The following CDADC1 variants were observed in gnomAD, a reference collection of about 807,000 sequenced individuals.
The protein encoded by CDADC1 is dCTP deaminase.
In CDADC1, 39 loss-of-function variants were observed where a neutral mutation model predicts 54.9. That is an observed-to-expected ratio of 0.71 (90% CI 0.55 to 0.93). The LOEUF is 0.93. Among genes scored for constraint, CDADC1 ranks in the 40% least tolerant of loss-of-function variants. The pLI, the probability that CDADC1 is intolerant of heterozygous loss-of-function variation, is 0.00. For synonymous variants in CDADC1, 186 were observed against 204.0 expected (o/e 0.91, Z 0.75); for missense variants, 518 against 618.8 (o/e 0.84, Z 1.73).
chr13:49,289,449 C>T (rs1054937714), intron 9 of CDADC1, among the ~76,000 whole-genome samples: 5 of 151,940 alleles, frequency 3.3e-5, no homozygotes, highest in African/African-American at 1.2e-4. Flanking sequence ...TTTTTATAAG[C>T]GTATGCCCTA....
chr13:49,275,710 TATATATATATATATATAGAG>T (rs1953091996), intron 6 of CDADC1, among the ~76,000 whole-genome samples: 1 of 97,296 alleles, frequency 1.0e-5, no homozygotes, highest in Admixed American at 1.3e-4. Flanking sequence ...TATATATATA[TATATATATATATATATAGAG>T]AGAGAGAGAG....
At chr13:49,259,324 G>A in intron 3 of CDADC1, 22 bp from the exon 4 acceptor site, 1 of 1,533,440 alleles carries the variant, frequency 6.5e-7, no homozygotes, top group South Asian at 1.2e-5. Context: ...CTAATAAGTT[G>A]TTATTTTATA....
intron 4 of CDADC1, among the ~76,000 whole-genome samples, chr13:49,266,435 A>T (rs966472976): frequency 6.6e-6 from 1 of 152,174 alleles, no homozygotes; most frequent in South Asian, 2.1e-4. Context: ...ATGAATTGAA[A>T]TATTTTCTGT....
chr13:49,252,677 C>T (rs182146525), intron 2 of CDADC1, among the ~76,000 whole-genome samples: 5 of 152,304 alleles, frequency 3.3e-5, no homozygotes, highest in Non-Finnish European at 7.3e-5. Context: ...TTTATAGCTG[C>T]AACATTTTTA....
In CDADC1 at chr13:49,275,348, A is replaced by G. The variant is rs181872968; in HGVS notation, c.1050+1008A>G. On this transcript the variant is annotated intron_variant, in intron 6 of 9. Transcript: ENST00000251108. ...CAGTCCACCCTCTTCTGCCTCCCAA[A>G]GTGCTGGGATCACAGGTGTGAGCCA... Among the ~76,000 whole-genome samples the G allele has an allele frequency of 5.7e-3, 862 of 151,972 alleles. 5 individuals are homozygous for G. Among genetic ancestry groups the G allele is most frequent in the Non-Finnish European group, 0.01 (700 of 67,994 alleles).
Position 49,248,862 on chromosome 13 carries a change from C to CT in CDADC1, c.83-5dup. Reference sequence around the variant, plus strand: ...ACAAAGTTTAAAGTGTTTGTCGTCTCTTTTGTAGGTCAGATACCAAGGCTT... The same window carrying CT: ...ACAAAGTTTAAAGTGTTTGTCGTCTCTTTTTGTAGGTCAGATACCAAGGCTT... On this transcript the variant is annotated splice_polypyrimidine_tract_variant and intron_variant, in intron 1 of 9. Coordinates refer to ENST00000251108, the MANE Select transcript of CDADC1 (RefSeq NM_030911.4). 1 of 1,553,216 alleles carries CT rather than the reference C, an allele frequency of 6.4e-7. No individual in the cohort carries two copies. Among genetic ancestry groups the CT allele is most frequent in the Middle Eastern group, 1.7e-4 (1 of 5,942 alleles).
intron 2 of CDADC1, among the ~76,000 whole-genome samples, chr13:49,250,345 T>G (rs1952397129): frequency 6.6e-6 from 1 of 152,228 alleles, no homozygotes; most frequent in African/African-American, 2.4e-5. Flanking sequence ...ACATGGTCTT[T>G]ATTTTCTAAT....
At chr13:49,259,626 G>A (rs1952625403) in intron 4 of CDADC1, 103 bp downstream of exon 4, 2 of 1,134,948 alleles carry the variant, frequency 1.8e-6, no homozygotes, top group East Asian at 2.4e-5. Context: ...CAAGGCAGGA[G>A]GATCGCCTGA....
intron 6 of CDADC1, among the ~76,000 whole-genome samples, chr13:49,275,027 C>A (rs1371420551): frequency 6.6e-6 from 1 of 151,380 alleles, no homozygotes; most frequent in East Asian, 1.9e-4. Flanking sequence ...AAGATAATTT[C>A]TTCAGACAGA....
rs367655428 is a variant in CDADC1 at position 49,291,716 on chromosome 13, G to T, written c.1504G>T (p.Glu502Ter). Reference protein sequence around the residue: ...GVLRPVPQKEEQHQDKKLRLG... With the variant: ...GVLRPVPQKE ...GTTGAGACCTGTCCCACAGAAGGAA[G>T]AGCAGCACCAGGACAAGAAGCTGCG... The change falls in exon 10 of 10, where the codon GAG (glutamate) becomes TAG (stop). Residue 502 changes from glutamate (E) to a stop codon, truncating the protein, a stop_gained. Transcript: ENST00000251108. LOFTEE classifies it high-confidence loss of function. 6.2e-7 allele frequency: 1 copy of T among 1,614,006 alleles called. No individual in the cohort carries two copies. The highest frequency in any genetic ancestry group is 8.5e-7 in the Non-Finnish European group (1 of 1,180,006).
chr13:49,249,088 T>C, intron 2 of CDADC1, 123 bp downstream of exon 2: 1 of 646,006 alleles, frequency 1.5e-6, no homozygotes, highest in Non-Finnish European at 2.8e-6. Context: ...AAAAATATCT[T>C]TATTGATTAA....
At chr13:49,255,106 C>A (rs533539131) in intron 2 of CDADC1, among the ~76,000 whole-genome samples, 8 of 152,308 alleles carry the variant, frequency 5.3e-5, no homozygotes, top group African/African-American at 1.7e-4. Flanking sequence ...AGACACTCTA[C>A]GGGAGGACCT....
At chr13:49,259,909 T>C (rs1291899569) in intron 4 of CDADC1, among the ~76,000 whole-genome samples, 1 of 151,796 alleles carries the variant, frequency 6.6e-6, no homozygotes, top group Non-Finnish European at 1.5e-5. Flanking sequence ...ACACATTTGC[T>C]AAATACCACA....
intron 2 of CDADC1, among the ~76,000 whole-genome samples, chr13:49,255,092 C>T (rs914529423): frequency 1.3e-5 from 2 of 152,198 alleles, no homozygotes; most frequent in Non-Finnish European, 2.9e-5. Context: ...GCCAAATTCC[C>T]TTCAGACACT....
At position 49,280,535 on chromosome 13, in the gene CDADC1, G is replaced by A; in HGVS notation, c.1247G>A (p.Arg416Lys). 2.1e-6 allele frequency: 3 copies of A among 1,450,920 alleles called. No individual in the cohort carries two copies. The highest frequency in any genetic ancestry group is 1.6e-5 in the South Asian group (1 of 62,278). 89.9% of individuals were successfully genotyped at this position (1,450,920 alleles called of 1,614,324 possible). Residue 416 changes from arginine to lysine, a missense_variant, in exon 8 of 10, where the codon AGA (arginine) becomes AAA (lysine). Physicochemically the swap from Arg to Lys is conservative, Grantham distance 26 (BLOSUM62 2). Transcript: ENST00000251108. ...FRCQEIKPEE[R>K]SMIFVTKCPC... ...TGTCAAGAAATAAAACCAGAAGAAA[G>A]AAGCATGATTTTTGTGACAAAGTGC...
At chr13:49,281,065 C>T (rs991280651) in intron 8 of CDADC1, among the ~76,000 whole-genome samples, 1 of 151,958 alleles carries the variant, frequency 6.6e-6, no homozygotes, top group Admixed American at 6.6e-5. Context: ...AACTCCTGAG[C>T]TCAGGTGATC....
chr13:49,248,099 C>G lies in CDADC1; in HGVS notation c.62C>G (p.Thr21Ser). The G allele has an allele frequency of 6.4e-7, 1 of 1,552,574 alleles. No individual in the cohort carries two copies. The highest frequency in any genetic ancestry group is 1.4e-5 in the African/African-American group (1 of 73,210). The change falls in exon 1 of 10, where the codon ACC becomes AGC. Residue 21 changes from threonine (T) to serine (S), a missense_variant. Thr to Ser is a moderately conservative substitution (Grantham distance 58). Transcript: ENST00000251108. Reference sequence around the variant, plus strand: ...GCGAGGGCCGGGCGGTCAGTCAGCACCCAGACTGGCAGCATGACCGGTGAG... The same window carrying G: ...GCGAGGGCCGGGCGGTCAGTCAGCAGCCAGACTGGCAGCATGACCGGTGAG... The part of the protein sequence containing the change: ...ESARAGRSVS[T>S]QTGSMTGQIP...
In CDADC1 at chr13:49,268,045, T is replaced by C. The variant is rs1252761694; in HGVS notation, c.986T>C (p.Leu329Ser). The C allele has an allele frequency of 6.2e-7, 1 of 1,610,364 alleles. No homozygotes were observed. ...CACTGCATGGTTCAGGCCAGGTTAT[T>C]GGCATATCGAACTGGTGAGTTACAT... ...ARHCMVQARL[L>S]AYRTEDHKTG... The change falls in exon 5 of 10, where the codon TTG becomes TCG. Residue 329 changes from leucine (L) to serine (S), a missense_variant. By Grantham distance (145) the Leu-to-Ser change is moderately radical. Coordinates refer to ENST00000251108, the MANE Select transcript of CDADC1 (RefSeq NM_030911.4).
At chr13:49,264,297 A>T (rs1952759768) in intron 4 of CDADC1, among the ~76,000 whole-genome samples, 1 of 152,218 alleles carries the variant, frequency 6.6e-6, no homozygotes, top group Non-Finnish European at 1.5e-5. Context: ...ATATAACATG[A>T]AGAGTTTAAT....
Sources: gnomAD v4.1 joint callset for allele counts (sites outside exome capture counted in the v4.1 genomes callset) on GRCh38, gnomAD v4.1.1 for gene constraint, MANE v1.5 for transcripts, NCBI Gene and HGNC (gene_info 2026-07-23, HGNC 2026-07-21) for gene names.